Variants in EPB41L2 observed in about 807,000 individuals in gnomAD.
EPB41L2 encodes the protein band 4.1-like protein 2.
In EPB41L2, 43 loss-of-function variants were observed where a neutral mutation model predicts 113.0. That is an observed-to-expected ratio of 0.38 (90% CI 0.30 to 0.49). EPB41L2 has a LOEUF of 0.49. Ranked by LOEUF, EPB41L2 falls within the 20% of genes least tolerant of loss-of-function variation. The pLI is 0.95. For missense variants in EPB41L2, 1,147 were observed against 1,223.4 expected (o/e 0.94, Z 0.93); for synonymous variants, 442 against 436.7 (o/e 1.01, Z -0.15).
chr6:130,910,306 T>C (rs979992012), intron 4 of EPB41L2, among the ~76,000 whole-genome samples: 1 of 152,214 alleles, frequency 6.6e-6, no homozygotes, highest in Non-Finnish European at 1.5e-5. Flanking sequence ...TAAATGATGT[T>C]GGGAAAACTG....
intron 1 of EPB41L2, among the ~76,000 whole-genome samples, chr6:131,004,455 G>A (rs1001461877): frequency 7.2e-5 from 11 of 152,144 alleles, no homozygotes; most frequent in African/African-American, 2.7e-4. Flanking sequence ...TCATTAAAGG[G>A]AGTATTAATT....
chr6:131,054,794 T>C (rs7741112), intron 1 of EPB41L2, among the ~76,000 whole-genome samples: 1,666 of 152,342 alleles, frequency 0.011, 33 homozygotes, highest in African/African-American at 0.035. Flanking sequence ...TCCCTGCTTC[T>C]AGTGAGCAAA....
At chr6:130,983,635 C>T (rs926238552) in intron 1 of EPB41L2, among the ~76,000 whole-genome samples, 1 of 151,206 alleles carries the variant, frequency 6.6e-6, no homozygotes, top group African/African-American at 2.4e-5. Flanking sequence ...CTCCAGTGAT[C>T]CTCCCACCTC....
chr6:130,986,337 T>C (rs1780548652), intron 1 of EPB41L2, among the ~76,000 whole-genome samples: 1 of 151,718 alleles, frequency 6.6e-6, no homozygotes, highest in Non-Finnish European at 1.5e-5. Flanking sequence ...TGGCCAATCA[T>C]AACATGAAAA....
chr6:130,901,324 C>G, intron 6 of EPB41L2, 144 bp from the exon 7 acceptor site: 1 of 680,990 alleles, frequency 1.5e-6, no homozygotes, highest in Non-Finnish European at 2.4e-6. Flanking sequence ...ATCATCTTCT[C>G]TAATAAAAAG....
At chr6:130,994,805 T>G (rs1317060622) in intron 1 of EPB41L2, among the ~76,000 whole-genome samples, 1 of 152,196 alleles carries the variant, frequency 6.6e-6, no homozygotes, top group African/African-American at 2.4e-5. Context: ...CTCCCGTTCT[T>G]TTTAAAGTCA....
At chr6:130,853,777 C>A (rs767790772) in intron 19 of EPB41L2, among the ~76,000 whole-genome samples, 28 of 152,118 alleles carry the variant, frequency 1.8e-4, no homozygotes, top group Non-Finnish European at 4.0e-4. Flanking sequence ...GCTTTATGTG[C>A]CTGAAAAAGG....
At chr6:130,890,510 G>T in intron 10 of EPB41L2, 44 bp from the exon 11 acceptor site, 1 of 1,529,734 alleles carries the variant, frequency 6.5e-7, no homozygotes, top group South Asian at 1.2e-5. Flanking sequence ...GAAAGGGGAA[G>T]CAAAATTAGA....
chr6:130,918,595 T>C (rs370316379), intron 4 of EPB41L2, among the ~76,000 whole-genome samples: 15 of 152,150 alleles, frequency 9.9e-5, no homozygotes, highest in African/African-American at 3.6e-4. Context: ...ACACTAACAA[T>C]GACAGATTTT....
At chr6:131,043,897 G>A (rs1333127549) in intron 1 of EPB41L2, among the ~76,000 whole-genome samples, 1 of 152,004 alleles carries the variant, frequency 6.6e-6, no homozygotes, top group Non-Finnish European at 1.5e-5. Context: ...TGAATAGAGA[G>A]ACAGATAAAA....
Position 130,895,089 on chromosome 6 carries a change from C to T in EPB41L2, c.1267G>A (p.Val423Met), listed in dbSNP as rs760954108. 20 of 1,612,506 alleles carry T rather than the reference C, an allele frequency of 1.2e-5. No homozygotes were observed. Among genetic ancestry groups the T allele is most frequent in the Middle Eastern group, 1.6e-4 (1 of 6,076 alleles). The change falls in exon 9 of 20, where the codon GTG (valine) becomes ATG (methionine). Residue 423 changes from valine to methionine, a missense_variant. Coordinates refer to ENST00000337057, the MANE Select transcript of EPB41L2 (RefSeq NM_001431.4). ...DSEGVDIKLGVCANGLLIYKD... is the reference protein window; with the variant it reads ...DSEGVDIKLGMCANGLLIYKD... Reference sequence around the variant, plus strand: ...TAAATGAGAAGTCCATTAGCACACACGCCCAGCTTGATGTCCACACCTTCT... The same window carrying T: ...TAAATGAGAAGTCCATTAGCACACATGCCCAGCTTGATGTCCACACCTTCT...
intron 1 of EPB41L2, among the ~76,000 whole-genome samples, chr6:131,059,209 G>C (rs1798201893): frequency 6.7e-6 from 1 of 149,440 alleles, no homozygotes; most frequent in African/African-American, 2.5e-5. Context: ...CTGCCTCCCG[G>C]GTTCACGCCA....
intron 4 of EPB41L2, among the ~76,000 whole-genome samples, chr6:130,920,543 G>A (rs572655967): frequency 1.1e-4 from 16 of 152,094 alleles, no homozygotes; most frequent in East Asian, 3.9e-4. Flanking sequence ...TCACCTAGGC[G>A]AAAGTGCAGT....
intron 5 of EPB41L2, among the ~76,000 whole-genome samples, chr6:130,907,578 C>T (rs1037051341): frequency 2.6e-5 from 4 of 151,892 alleles, no homozygotes; most frequent in Admixed American, 2.0e-4. Context: ...AGGTTGGTCA[C>T]TCTAATCAAA....
chr6:130,897,419 T>C (rs771331457), intron 8 of EPB41L2, among the ~76,000 whole-genome samples: 17 of 152,232 alleles, frequency 1.1e-4, no homozygotes, highest in Non-Finnish European at 2.4e-4. Flanking sequence ...TTTTTTAGTG[T>C]TCTGCTCCTA....
At chr6:130,868,974 C>T (rs1248432448) in intron 15 of EPB41L2, 12 of 152,660 alleles carry the variant, frequency 7.9e-5, no homozygotes, top group Admixed American at 7.8e-4. Context: ...ACCATACAAC[C>T]CCTGCAATCC....
At chr6:130,847,290 AAG>A (rs1777339882) in intron 19 of EPB41L2, among the ~76,000 whole-genome samples, 3 of 152,172 alleles carry the variant, frequency 2.0e-5, no homozygotes, top group Non-Finnish European at 4.4e-5. Flanking sequence ...GGCCAATCAG[AAG>A]CATTTCTCCT....
chr6:131,051,621 C>T (rs531844743), intron 1 of EPB41L2, among the ~76,000 whole-genome samples: 16 of 152,092 alleles, frequency 1.1e-4, no homozygotes, highest in Admixed American at 4.6e-4. Flanking sequence ...GGGGGGCCTA[C>T]GAGAAACAAG....
chr6:130,874,443 A>G (rs1225942463), intron 14 of EPB41L2, among the ~76,000 whole-genome samples: 1 of 152,200 alleles, frequency 6.6e-6, no homozygotes, highest in Non-Finnish European at 1.5e-5. Flanking sequence ...TAAAATGAAG[A>G]TACAACAAAG....
Sources: gnomAD v4.1 joint callset for allele counts (sites outside exome capture counted in the v4.1 genomes callset) on GRCh38, gnomAD v4.1.1 for gene constraint, MANE v1.5 for transcripts, NCBI Gene and HGNC (gene_info 2026-07-23, HGNC 2026-07-21) for gene names.